LPP: variants seen among roughly 807,000 people sequenced by gnomAD.
LPP encodes the protein lipoma-preferred partner.
LPP carries 38 observed loss-of-function variants against 60.4 expected under a neutral mutation model. The ratio of observed to expected loss-of-function variants is 0.63; its 90% CI spans 0.49 to 0.83. The LOEUF (loss-of-function observed/expected upper bound fraction) is 0.83. Among genes scored for constraint, LPP ranks in the 40% least tolerant of loss-of-function variants. LPP has a pLI of 0.00. For synonymous variants in LPP, 328 were observed against 290.8 expected (o/e 1.13, Z -1.30); for missense variants, 902 against 783.6 (o/e 1.15, Z -1.80).
Position 188,428,122 on chromosome 3 carries a change from G to A in LPP, c.193+21809G>A, listed in dbSNP as rs142907808. On this transcript the variant is annotated intron_variant, in intron 4 of 11. Transcript: ENST00000617246. ...GGTAGTATCTGGGCCAGAGTGCACCGTTTGTCATGGCACAGTCTCTCATGG... is the reference window on the plus strand; with the variant it reads ...GGTAGTATCTGGGCCAGAGTGCACCATTTGTCATGGCACAGTCTCTCATGG... Among the ~76,000 whole-genome samples, 211 of 152,272 alleles carry A rather than the reference G, an allele frequency of 1.4e-3. 1 individual carries two copies. The highest frequency in any genetic ancestry group is 7.1e-3 in the Admixed American group (108 of 15,296).
chr3:188,676,170 T>C (rs1295906126), intron 7 of LPP, among the ~76,000 whole-genome samples: 1 of 152,194 alleles, frequency 6.6e-6, no homozygotes, highest in Admixed American at 6.5e-5. Context: ...TGGAATCGAA[T>C]TCTTGAAGAT....
chr3:188,832,605 C>T (rs1188398732), intron 9 of LPP, among the ~76,000 whole-genome samples: 2 of 152,180 alleles, frequency 1.3e-5, no homozygotes, highest in Non-Finnish European at 2.9e-5. Flanking sequence ...CAATAATACC[C>T]TTTACTGTTT....
intron 10 of LPP, among the ~76,000 whole-genome samples, chr3:188,869,066 T>A (rs1362548430): frequency 2.0e-5 from 3 of 152,066 alleles, no homozygotes; most frequent in Non-Finnish European, 4.4e-5. Flanking sequence ...GGACGGAGAA[T>A]GTCAAGAGTG....
intron 9 of LPP, among the ~76,000 whole-genome samples, chr3:188,825,267 CTCTGTGTGTGTGTGTGTGTGTGTGTG>C (rs1039442290): frequency 1.5e-4 from 15 of 99,016 alleles, no homozygotes; most frequent in Admixed American, 3.5e-4. Context: ...CTCTCTCTCT[CTCTGTGTGTGTGTGTGTGTGTGTGTG>C]TGTGTGTGTG....
chr3:188,216,284 T>G (rs1014198253), intron 1 of LPP, among the ~76,000 whole-genome samples: 1 of 149,802 alleles, frequency 6.7e-6, no homozygotes, highest in African/African-American at 2.5e-5. Flanking sequence ...TTTTTTTTTT[T>G]TTTTTTTGAT....
At chr3:188,235,213 ACT>A (rs756491453) in intron 2 of LPP, among the ~76,000 whole-genome samples, 1 of 152,086 alleles carries the variant, frequency 6.6e-6, no homozygotes, top group Admixed American at 6.6e-5. Flanking sequence ...ACGGGTGCAA[ACT>A]CACTTTTTGG....
intron 7 of LPP, among the ~76,000 whole-genome samples, chr3:188,689,975 T>C (rs1221785884): frequency 6.6e-6 from 1 of 152,180 alleles, no homozygotes; most frequent in Non-Finnish European, 1.5e-5. Context: ...ATTTTTAAGT[T>C]GAATATCCTT....
rs182627343 is a variant in LPP, at chr3:188,200,636, G to T, written c.-189-24769G>T. Among the ~76,000 whole-genome samples the T allele has an allele frequency of 9.2e-4, 140 of 152,254 alleles. No homozygotes were observed. In the East Asian group the frequency reaches 0.019, roughly 21 times the overall value. ...TGCTTGCCAGTAGAAATAGTAGCAGGAAGATTCAGCTTCACTTCCACCTTC... is the reference window on the plus strand; with the variant it reads ...TGCTTGCCAGTAGAAATAGTAGCAGTAAGATTCAGCTTCACTTCCACCTTC... On this transcript the variant is annotated intron_variant, in intron 1 of 11. Transcript: ENST00000617246.
At chr3:188,668,143 G>A (rs748273836) in intron 7 of LPP, among the ~76,000 whole-genome samples, 6 of 151,774 alleles carry the variant, frequency 4.0e-5, no homozygotes, top group Admixed American at 6.6e-5. Context: ...TTTGGAATCC[G>A]GAGTTTAAGT....
At position 188,395,465 on chromosome 3, in the gene LPP, G is replaced by C. The variant is rs950508025; in HGVS notation, c.-9-10647G>C. Among the ~76,000 whole-genome samples, 8 of 151,892 alleles carry C rather than the reference G, an allele frequency of 5.3e-5. No homozygotes were observed. The South Asian group carries it at 1.0e-3, about 20-fold the overall frequency. ...TGCGCAGGCTGATCTCGAACTCCAG[G>C]CCTCAAGCAATCCAGGGTCTCCTCC... On this transcript the variant is annotated intron_variant, in intron 3 of 11. Coordinates refer to ENST00000617246, the MANE Select transcript of LPP (RefSeq NM_001375462.1).
intron 8 of LPP, among the ~76,000 whole-genome samples, chr3:188,717,457 T>C (rs1714486048): frequency 6.6e-6 from 1 of 152,160 alleles, no homozygotes; most frequent in African/African-American, 2.4e-5. Flanking sequence ...GCAGCTACCT[T>C]TAGTGGATCT....
chr3:188,777,994 G>C (rs1012799472), intron 9 of LPP, among the ~76,000 whole-genome samples: 1 of 152,150 alleles, frequency 6.6e-6, no homozygotes, highest in African/African-American at 2.4e-5. Flanking sequence ...TTTCTGAAGT[G>C]AGTGAATTGT....
intron 9 of LPP, among the ~76,000 whole-genome samples, chr3:188,763,903 C>T (rs1733204447): frequency 1.3e-5 from 2 of 152,010 alleles, no homozygotes; most frequent in Admixed American, 1.3e-4. Context: ...CATTACCTTG[C>T]TAGATTTCTT....
intron 1 of LPP, among the ~76,000 whole-genome samples, chr3:188,172,059 C>A (rs1171520067): frequency 6.6e-6 from 1 of 152,206 alleles, no homozygotes; most frequent in Non-Finnish European, 1.5e-5. Context: ...CCATTGGTAA[C>A]CTCGGCGAGG....
intron 9 of LPP, among the ~76,000 whole-genome samples, chr3:188,843,333 G>GC (rs1760511046): frequency 6.6e-6 from 1 of 152,148 alleles, no homozygotes; most frequent in South Asian, 2.1e-4. Flanking sequence ...AAGGGTACTG[G>GC]CCCGAGAGTT....
intron 4 of LPP, among the ~76,000 whole-genome samples, chr3:188,474,337 A>AATAG (rs1802603600): frequency 6.9e-6 from 1 of 145,284 alleles, no homozygotes; most frequent in African/African-American, 2.5e-5. Context: ...TATTGGCTGT[A>AATAG]ATAGAGCTTC....
intron 5 of LPP, among the ~76,000 whole-genome samples, chr3:188,487,295 A>G (rs766872914): frequency 5.3e-5 from 8 of 152,224 alleles, no homozygotes; most frequent in Admixed American, 1.3e-4. Context: ...TATATTAATA[A>G]TCACTATTAA....
intron 9 of LPP, among the ~76,000 whole-genome samples, chr3:188,848,012 C>T (rs1033976334): frequency 2.0e-5 from 3 of 152,174 alleles, no homozygotes; most frequent in Non-Finnish European, 4.4e-5. Context: ...GGGACCCTGA[C>T]GGTAAGCATC....
Position 188,245,991 on chromosome 3 carries a change from T to G in LPP, c.-67+20464T>G, listed in dbSNP as rs150575037. ...ATTGTTGAAATGTATTTTCAAAGTT[T>G]TTTACTTTATTTTTGGACTGATACC... is the stretch of plus-strand genomic sequence containing the variant. On this transcript the variant is annotated intron_variant, in intron 2 of 11. Coordinates refer to ENST00000617246, the MANE Select transcript of LPP (RefSeq NM_001375462.1). Among the ~76,000 whole-genome samples, 151 of 152,370 alleles carry G rather than the reference T, an allele frequency of 9.9e-4. 2 individuals are homozygous for G. Among genetic ancestry groups the G allele is most frequent in the South Asian group, 3.1e-3 (15 of 4,826 alleles).
Sources: allele counts gnomAD v4.1 joint callset (sites outside exome capture counted in the v4.1 genomes callset), GRCh38; gene constraint gnomAD v4.1.1; transcripts MANE v1.5; gene names NCBI Gene and HGNC (gene_info 2026-07-23, HGNC 2026-07-21).